INPP1: variants seen among roughly 807,000 people sequenced by gnomAD.
INPP1 encodes inositol polyphosphate-1-phosphatase.
Under a neutral mutation model 23.0 loss-of-function variants are expected in INPP1, and 18 were observed. The ratio of observed to expected loss-of-function variants is 0.78; its 90% confidence interval spans 0.54 to 1.16. INPP1 has a LOEUF of 1.16. Ranked by LOEUF, INPP1 falls within the 50% of genes most tolerant of loss-of-function variation. INPP1 has a pLI of 0.00. For missense variants in INPP1, 448 were observed against 482.1 expected (o/e 0.93, Z 0.66); for synonymous variants, 164 against 176.3 (o/e 0.93, Z 0.55).
In INPP1 at chr2:190,370,868, C is replaced by T. The variant is rs769618150; in HGVS notation, c.666C>T (p.Gly222=). The T allele has an allele frequency of 6.2e-7, 1 of 1,612,378 alleles. No homozygotes were observed. The highest frequency in any genetic ancestry group is 8.5e-7 in the Non-Finnish European group (1 of 1,178,900). ...GGTGGAAAGGACAGTGCTATTGGGGCCTTTCTTACATGGGGACCAACATGC... is the reference window on the plus strand; with the variant it reads ...GGTGGAAAGGACAGTGCTATTGGGGTCTTTCTTACATGGGGACCAACATGC... The part of the protein sequence containing the change: ...TLRWKGQCYW[G]LSYMGTNMHS... The change falls in exon 7 of 7, where the codon GGC becomes GGT. Residue 222 remains glycine, a synonymous_variant. Transcript: ENST00000392329.
Position 190,366,854 on chromosome 2 carries a change from A to G in INPP1, c.425A>G (p.Asn142Ser), listed in dbSNP as rs758183651. 72 of 1,613,936 alleles carry G rather than the reference A, an allele frequency of 4.5e-5. No homozygotes were observed. In the Middle Eastern group the frequency reaches 6.6e-4, roughly 15 times the overall value. ...TDPTLDSTEINVPQDILGIWV... is the reference protein window; with the variant it reads ...TDPTLDSTEISVPQDILGIWV... Reference sequence around the variant, plus strand: ...CCAACTCTGGATTCCACAGAGATCAATGTTCCACAGGACATTTTGGGAATT... The same window carrying G: ...CCAACTCTGGATTCCACAGAGATCAGTGTTCCACAGGACATTTTGGGAATT... The change falls in exon 5 of 7, where the codon AAT (asparagine) becomes AGT (serine). Residue 142 changes from asparagine to serine, a missense_variant. Asn to Ser is a conservative substitution (Grantham distance 46). Transcript: ENST00000392329.
intron 2 of INPP1, among the ~76,000 whole-genome samples, chr2:190,358,321 T>A (rs1039279735): frequency 6.6e-6 from 1 of 151,962 alleles, no homozygotes; most frequent in Non-Finnish European, 1.5e-5. Flanking sequence ...AGGTGATCCA[T>A]GCGCCTTGGC....
chr2:190,361,290 TG>T (rs1313982327), intron 3 of INPP1, among the ~76,000 whole-genome samples: 4 of 152,208 alleles, frequency 2.6e-5, no homozygotes, highest in Non-Finnish European at 5.9e-5. Flanking sequence ...CCATTACATT[TG>T]GGAGAATAGA....
Position 190,354,925 on chromosome 2 carries a change from GGT to G in INPP1, c.-64-5094_-64-5093del, listed in dbSNP as rs71027214. 2.2e-4 allele frequency among the ~76,000 whole-genome samples: 32 copies of G among 146,548 alleles called. No individual in the cohort carries two copies. Among genetic ancestry groups the G allele is most frequent in the Admixed American group, 2.7e-4 (4 of 14,802 alleles). On this transcript the variant is annotated intron_variant, in intron 2 of 6. Transcript: ENST00000392329. This position sits in a 1 kb window ranked among gnomAD's most constrained non-coding sequence, Gnocchi z 4.8. ...AACCTAGTGACAGATATCAACTAGG[GGT>G]GTGTGTGTGTGTGTGTGTGCATTTT...
chr2:190,358,112 C>A (rs1689454986), intron 2 of INPP1, among the ~76,000 whole-genome samples: 1 of 131,048 alleles, frequency 7.6e-6, no homozygotes, highest in Admixed American at 8.9e-5. Flanking sequence ...CAGAGTCTTG[C>A]TCTGTCACCC....
intron 1 of INPP1, among the ~76,000 whole-genome samples, chr2:190,347,082 G>T (rs1689232227): frequency 6.8e-6 from 1 of 147,690 alleles, no homozygotes; most frequent in Middle Eastern, 3.2e-3. Flanking sequence ...TGTGATCTCG[G>T]CTCACAGCAA....
rs1283302686 is a variant in INPP1 at position 190,345,759 on chromosome 2, C to T, written c.-209+1798C>T. On this transcript the variant is annotated intron_variant, in intron 1 of 6. Transcript: ENST00000392329. The surrounding 1 kb of genome is among the most constrained non-coding windows in gnomAD (Gnocchi z 4.9). ...CTGTTATCCCTGCACTTTGGGAGGC[C>T]AAGGCAGGTGGATCACTTGAGGTTA... Among the ~76,000 whole-genome samples the T allele has an allele frequency of 5.3e-5, 8 of 152,130 alleles. No homozygotes were observed. Among genetic ancestry groups the T allele is most frequent in the Admixed American group, 5.2e-4 (8 of 15,272 alleles).
At position 190,364,314 on chromosome 2, in the gene INPP1, T is replaced by C. The variant is rs1468043351; in HGVS notation, c.265+1627T>C. On this transcript the variant is annotated intron_variant, in intron 4 of 6. Transcript: ENST00000392329. ...CAGCACTTTGGGAGGCCAGGGCGGG[T>C]GGATCACAAGGTCAGGAAATTGAGT... 2.0e-5 allele frequency among the ~76,000 whole-genome samples: 3 copies of C among 151,582 alleles called. No individual in the cohort carries two copies. The East Asian group carries it at 5.9e-4, about 30-fold the overall frequency.
chr2:190,366,889 C>A lies in INPP1; in HGVS notation c.460C>A (p.Pro154Thr). 1 of 1,603,340 alleles carries A rather than the reference C, an allele frequency of 6.2e-7. No individual in the cohort carries two copies. Among genetic ancestry groups the A allele is most frequent in the Non-Finnish European group, 8.5e-7 (1 of 1,170,226 alleles). The change falls in exon 5 of 7, where the codon CCC becomes ACC. Residue 154 changes from proline to threonine, a missense_variant. Physicochemically the swap from Pro to Thr is conservative, Grantham distance 38. Transcript: ENST00000392329. Reference protein sequence around the residue: ...PQDILGIWVDPIDSTYQYIKG... With the variant: ...PQDILGIWVDTIDSTYQYIKG... ...GGACATTTTGGGAATTTGGGTGGAC[C>A]CCATAGGTAAGTATAGGAAAGTATG...
chr2:190,362,171 C>T lies in INPP1; in HGVS notation c.205-456C>T, dbSNP rs536110177. 2.6e-5 allele frequency among the ~76,000 whole-genome samples: 4 copies of T among 152,138 alleles called. No individual in the cohort carries two copies. In the South Asian group the frequency reaches 6.2e-4, roughly 24 times the overall value. ...AAACGCCTGAAAATAAAAACAAAAT[C>T]GAATGTTATCTATCCTCTAATTCCT... On this transcript the variant is annotated intron_variant, in intron 3 of 6. Transcript: ENST00000392329.
In INPP1 at chr2:190,371,105, C is replaced by G. The variant is rs773177065; in HGVS notation, c.903C>G (p.Leu301=). Reference sequence around the variant, plus strand: ...AGAGCCTATGTGTTGTCCAAGGCCTCGTTGACATTTACATCTTTTCAGAAG... The same window carrying G: ...AGAGCCTATGTGTTGTCCAAGGCCTGGTTGACATTTACATCTTTTCAGAAG... ...GYKSLCVVQG[L]VDIYIFSEDT... The change falls in exon 7 of 7, where the codon CTC becomes CTG. Residue 301 remains leucine, a synonymous_variant. Transcript: ENST00000392329. This position sits in a 1 kb window ranked among gnomAD's most constrained non-coding sequence, Gnocchi z 5.3. 3 of 1,614,192 alleles carry G rather than the reference C, an allele frequency of 1.9e-6. No individual in the cohort carries two copies. The highest frequency in any genetic ancestry group is 1.6e-4 in the Middle Eastern group (1 of 6,062).
In INPP1 at chr2:190,371,623, T is replaced by G; in HGVS notation, c.*221T>G. 2 of 410,886 alleles carry G rather than the reference T, an allele frequency of 4.9e-6. No individual in the cohort carries two copies. The highest frequency in any genetic ancestry group is 4.3e-6 in the Non-Finnish European group (1 of 233,312). The allele number at this position is 410,886 out of a possible 1,614,324, so 25.5% of individuals were successfully genotyped here. On this transcript the variant is annotated 3_prime_UTR_variant, in exon 7 of 7. Coordinates refer to ENST00000392329, the MANE Select transcript of INPP1 (RefSeq NM_001128928.2). This position sits in a 1 kb window ranked among gnomAD's most constrained non-coding sequence, Gnocchi z 5.3. The stretch of plus-strand genomic sequence containing the variant: ...GAAATTCTTACAGTGAATATTGTGC[T>G]GTTAGTGCTGCTTGAAACATTTCAA...
rs769126660 is a variant in INPP1 at position 190,367,289 on chromosome 2, G to C, written c.466+394G>C. Among the ~76,000 whole-genome samples, 8 of 152,180 alleles carry C rather than the reference G, an allele frequency of 5.3e-5. No homozygotes were observed. Among genetic ancestry groups the C allele is most frequent in the Non-Finnish European group, 7.3e-5 (5 of 68,030 alleles). On this transcript the variant is annotated intron_variant, in intron 5 of 6. Transcript: ENST00000392329. The surrounding 1 kb of genome is among the most constrained non-coding windows in gnomAD (Gnocchi z 4.1). The stretch of plus-strand genomic sequence containing the variant: ...ATTTAAAGAGCACTTAGCTTTAGCA[G>C]ATTGTTACCATATGGGAGTACAGGC...
chr2:190,353,549 A>G (rs1192774899), intron 2 of INPP1, among the ~76,000 whole-genome samples: 1 of 152,236 alleles, frequency 6.6e-6, no homozygotes, highest in African/African-American at 2.4e-5. Flanking sequence ...CATAGCTATC[A>G]TTTATTATCT....
At chr2:190,344,154 G>GC (rs1030649077) in intron 1 of INPP1, 193 bp downstream of exon 1, 1 of 165,454 alleles carries the variant, frequency 6.0e-6, no homozygotes, top group Non-Finnish European at 1.3e-5. Flanking sequence ...CAGCGAGGCC[G>GC]CCCCCGGCCG....
In INPP1 at chr2:190,352,628, C is replaced by T. The variant is rs1374223011; in HGVS notation, c.-65+3597C>T. On this transcript the variant is annotated intron_variant, in intron 2 of 6. Transcript: ENST00000392329. The surrounding 1 kb of genome is among the most constrained non-coding windows in gnomAD (Gnocchi z 4.7). ...CTTCCATTCCCCTGTCCCTTCTGCA[C>T]AAACAACCTCCAATCTTTAAAACTA... Among the ~76,000 whole-genome samples the T allele has an allele frequency of 6.6e-6, 1 of 152,146 alleles. No individual in the cohort carries two copies. The highest frequency in any genetic ancestry group is 1.5e-5 in the Non-Finnish European group (1 of 68,024).
intron 4 of INPP1, 61 bp downstream of exon 4, chr2:190,362,748 T>C (rs2124934050): frequency 9.0e-7 from 1 of 1,107,000 alleles, no homozygotes; most frequent in Non-Finnish European, 1.3e-6. Flanking sequence ...TTCTAGTCTC[T>C]AGTTTATACC....
At position 190,371,118 on chromosome 2, in the gene INPP1, A is replaced by G; in HGVS notation, c.916A>G (p.Ile306Val). 1.9e-6 allele frequency: 3 copies of G among 1,614,212 alleles called. No individual in the cohort carries two copies. Among genetic ancestry groups the G allele is most frequent in the Non-Finnish European group, 2.5e-6 (3 of 1,180,044 alleles). The stretch of plus-strand genomic sequence containing the variant: ...TGTCCAAGGCCTCGTTGACATTTAC[A>G]TCTTTTCAGAAGATACCACATTCAA... ...CVVQGLVDIY[I>V]FSEDTTFKWD... Residue 306 changes from isoleucine to valine, a missense_variant, in exon 7 of 7, where the codon ATC becomes GTC. Coordinates refer to ENST00000392329, the MANE Select transcript of INPP1 (RefSeq NM_001128928.2). This position sits in a 1 kb window ranked among gnomAD's most constrained non-coding sequence, Gnocchi z 5.3.
intron 1 of INPP1, among the ~76,000 whole-genome samples, chr2:190,347,241 G>C (rs1455459998): frequency 6.6e-6 from 1 of 151,854 alleles, no homozygotes; most frequent in Non-Finnish European, 1.5e-5. Flanking sequence ...TCGATCTCCT[G>C]ACCTCGTGAT....
Sources: allele counts gnomAD v4.1 joint callset (sites outside exome capture counted in the v4.1 genomes callset), GRCh38; gene constraint gnomAD v4.1.1; non-coding constraint Gnocchi (gnomAD v3.1); transcripts MANE v1.5; gene names NCBI Gene and HGNC (gene_info 2026-07-23, HGNC 2026-07-21).